EEA1: variants seen among roughly 807,000 people sequenced by gnomAD.
The protein encoded by EEA1 is early endosome antigen 1, 162kD.
A neutral mutation model predicts 209.2 loss-of-function variants in EEA1; 111 were observed. The observed-to-expected ratio is 0.53, with a 90% CI of 0.45 to 0.62. The LOEUF is 0.62. Among genes scored for constraint, EEA1 ranks in the 20% least tolerant of loss-of-function variants. The probability of loss-of-function intolerance (pLI) is 0.00; values close to 1 mark genes in which losing one functional copy is unlikely to be tolerated. For synonymous variants in EEA1, 536 were observed against 540.6 expected (o/e 0.99, Z 0.12); for missense variants, 1,343 against 1,530.8 (o/e 0.88, Z 2.05).
At position 92,851,510 on chromosome 12, in the gene EEA1, CTTTAT is replaced by C. The variant is rs530598338; in HGVS notation, c.643-249_643-245del. On this transcript the variant is annotated intron_variant, in intron 8 of 28. Transcript: ENST00000322349. ...AGTAAATTCACAATTATCTTTACTA[CTTTAT>C]TTGTTTTCCTTCCCTTCACAAACTA... Among the ~76,000 whole-genome samples the C allele has an allele frequency of 3.9e-4, 60 of 152,182 alleles. No homozygotes were observed. The East Asian group carries it at 0.01, about 26-fold the overall frequency.
chr12:92,893,937 C>T (rs1879763271), intron 1 of EEA1, among the ~76,000 whole-genome samples: 1 of 152,038 alleles, frequency 6.6e-6, no homozygotes, highest in African/African-American at 2.4e-5. Flanking sequence ...TTGCACTTTG[C>T]AGATGTGGCG....
At chr12:92,803,135 C>G (rs564894252) in intron 18 of EEA1, among the ~76,000 whole-genome samples, 7 of 152,052 alleles carry the variant, frequency 4.6e-5, no homozygotes, top group Non-Finnish European at 1.0e-4. Context: ...AACTTTGTCT[C>G]TTTCCTTGAA....
At chr12:92,833,325 T>C (rs1268357022) in intron 10 of EEA1, among the ~76,000 whole-genome samples, 3 of 152,230 alleles carry the variant, frequency 2.0e-5, no homozygotes, top group African/African-American at 7.2e-5. Context: ...TTTTATGCTC[T>C]TCTTGTTAAA....
At chr12:92,790,028 T>G (rs1195856801) in intron 21 of EEA1, among the ~76,000 whole-genome samples, 9 of 152,118 alleles carry the variant, frequency 5.9e-5, no homozygotes, top group Admixed American at 2.0e-4. Flanking sequence ...CTCCAACAGA[T>G]CTGCAGCTGA....
chr12:92,895,735 T>C (rs951774745), intron 1 of EEA1, among the ~76,000 whole-genome samples: 1 of 152,162 alleles, frequency 6.6e-6, no homozygotes, highest in Admixed American at 6.5e-5. Context: ...GTGACTCCTC[T>C]GACAGATCTG....
chr12:92,802,514 C>G lies in EEA1; in HGVS notation c.2560G>C (p.Glu854Gln). ...AGTTTGTCCTTTACTGTAGAAAGCT[C>G]TGTCATTAAAGCTTCTTTCTCCATT... ...VKMEKEALMTELSTVKDKLSK... is the reference protein window; with the variant it reads ...VKMEKEALMTQLSTVKDKLSK... The change falls in exon 19 of 29, where the codon GAG (glutamate) becomes CAG (glutamine). Residue 854 changes from glutamate (E) to glutamine (Q), a missense_variant. Glu to Gln is a conservative substitution (Grantham distance 29, BLOSUM62 2). This residue lies in a region of EEA1 where 1,307 missense variants were observed against 1,465.5 expected (regional missense o/e 0.89). Coordinates refer to ENST00000322349, the MANE Select transcript of EEA1 (RefSeq NM_003566.4). 1 of 1,596,234 alleles carries G rather than the reference C, an allele frequency of 6.3e-7. No homozygotes were observed. The highest frequency in any genetic ancestry group is 8.5e-7 in the Non-Finnish European group (1 of 1,174,628).
At position 92,802,495 on chromosome 12, in the gene EEA1, T is replaced by A; in HGVS notation, c.2579A>T (p.Asp860Val). 6.3e-7 allele frequency: 1 copy of A among 1,589,420 alleles called. No individual in the cohort carries two copies. Among genetic ancestry groups the A allele is most frequent in the Non-Finnish European group, 8.5e-7 (1 of 1,173,312 alleles). The change falls in exon 19 of 29, where the codon GAC becomes GTC. Residue 860 changes from aspartate (D) to valine (V), a missense_variant. By Grantham distance (152) the Asp-to-Val change is radical (BLOSUM62 -3). Around this residue, in one of 3 missense-constraint regions of EEA1, gnomAD observed 1,307 missense variants for 1,465.5 expected, o/e 0.89. Coordinates refer to ENST00000322349, the MANE Select transcript of EEA1 (RefSeq NM_003566.4). Reference sequence around the variant, plus strand: ...AGAATCAGAAACTTTTGATAGTTTGTCCTTTACTGTAGAAAGCTCTGTCAT... The same window carrying A: ...AGAATCAGAAACTTTTGATAGTTTGACCTTTACTGTAGAAAGCTCTGTCAT... Reference protein sequence around the residue: ...ALMTELSTVKDKLSKVSDSLK... With the variant: ...ALMTELSTVKVKLSKVSDSLK...
At chr12:92,862,437 A>T (rs1459531649) in intron 3 of EEA1, among the ~76,000 whole-genome samples, 2 of 152,084 alleles carry the variant, frequency 1.3e-5, no homozygotes, top group Non-Finnish European at 2.9e-5. Context: ...AAAGAAAAAA[A>T]AAGTAAAAAT....
At chr12:92,815,450 A>G (rs1224158966) in intron 15 of EEA1, among the ~76,000 whole-genome samples, 1 of 152,228 alleles carries the variant, frequency 6.6e-6, no homozygotes, top group Non-Finnish European at 1.5e-5. Flanking sequence ...AATTTTTTAA[A>G]AAAGAAAGAA....
At chr12:92,908,455 C>G (rs1488896687) in intron 1 of EEA1, among the ~76,000 whole-genome samples, 1 of 151,982 alleles carries the variant, frequency 6.6e-6, no homozygotes, top group Non-Finnish European at 1.5e-5. Flanking sequence ...TTTTAAATTA[C>G]GTATATTTTG....
At chr12:92,928,922 T>A in intron 1 of EEA1, 121 bp downstream of exon 1, 1 of 980,514 alleles carries the variant, frequency 1.0e-6, no homozygotes, top group Non-Finnish European at 1.4e-6. Flanking sequence ...CCTAAGCGCC[T>A]GCCGGGCTGT....
At chr12:92,783,916 T>TA (rs59393966) in intron 22 of EEA1, among the ~76,000 whole-genome samples, 333 of 142,960 alleles carry the variant, frequency 2.3e-3, no homozygotes, top group East Asian at 0.02. Context: ...AAGTACTCAG[T>TA]AAAAAAAAAA....
intron 21 of EEA1, among the ~76,000 whole-genome samples, chr12:92,795,603 A>T (rs1874624314): frequency 6.6e-6 from 1 of 152,208 alleles, no homozygotes; most frequent in South Asian, 2.1e-4. Context: ...GTAGCAGTGG[A>T]AAATGAGAAG....
chr12:92,847,034 C>T (rs558689632), intron 9 of EEA1, among the ~76,000 whole-genome samples: 17 of 152,238 alleles, frequency 1.1e-4, no homozygotes, highest in African/African-American at 3.4e-4. Context: ...CTCACTGCAA[C>T]CTCCACCTCC....
chr12:92,802,794 A>G (rs1263570267), intron 18 of EEA1, 60 bp from the exon 19 acceptor site: 23 of 1,301,202 alleles, frequency 1.8e-5, no homozygotes, highest in Non-Finnish European at 2.4e-5. Flanking sequence ...CTAATTTACC[A>G]TTCAAAATTA....
At chr12:92,830,021 G>A (rs765802734) in intron 11 of EEA1, among the ~76,000 whole-genome samples, 3 of 149,188 alleles carry the variant, frequency 2.0e-5, no homozygotes, top group South Asian at 2.1e-4. Flanking sequence ...TGGGGGGGGC[G>A]GGTGAGGGTT....
At chr12:92,916,940 G>C (rs986932200) in intron 1 of EEA1, among the ~76,000 whole-genome samples, 2 of 151,290 alleles carry the variant, frequency 1.3e-5, no homozygotes, top group Non-Finnish European at 2.9e-5. Flanking sequence ...AGAACTACGT[G>C]AAGAACGCAG....
intron 1 of EEA1, among the ~76,000 whole-genome samples, chr12:92,907,404 A>G (rs1365327998): frequency 6.6e-6 from 1 of 152,212 alleles, no homozygotes; most frequent in Non-Finnish European, 1.5e-5. Flanking sequence ...TCCATCTCAG[A>G]TTATAGAACC....
intron 22 of EEA1, among the ~76,000 whole-genome samples, chr12:92,787,630 C>T (rs1198766911): frequency 6.6e-6 from 1 of 152,068 alleles, no homozygotes; most frequent in Admixed American, 6.6e-5. Flanking sequence ...CATAAGTTAA[C>T]AGTGTCACAA....
Sources: allele counts gnomAD v4.1 joint callset (sites outside exome capture counted in the v4.1 genomes callset), GRCh38; gene constraint gnomAD v4.1.1; regional missense constraint gnomAD v4.1.1; transcripts MANE v1.5; gene names NCBI Gene and HGNC (gene_info 2026-07-23, HGNC 2026-07-21).